C3orf49: variants seen among roughly 807,000 people sequenced by gnomAD.
C3orf49 encodes the protein chromosome 3 open reading frame 49, also known as putative uncharacterized protein C3orf49.
A neutral mutation model predicts 13.3 loss-of-function variants in C3orf49; 27 were observed. The observed-to-expected ratio is 2.02, with a 90% CI of 1.49 to 2.79. C3orf49 has a LOEUF of 2.79. Ranked by LOEUF, C3orf49 falls within the 30% of genes most tolerant of loss-of-function variation. C3orf49 has a pLI of 0.00. For synonymous variants in C3orf49, 87 were observed against 47.6 expected (o/e 1.83, Z -3.40); for missense variants, 242 against 134.2 (o/e 1.80, Z -3.97).
rs951073576 is a variant in C3orf49, at chr3:63,823,505, G to A, written c.381G>A (p.Arg127=). 2.8e-6 allele frequency: 2 copies of A among 702,774 alleles called. No homozygotes were observed. Among genetic ancestry groups the A allele is most frequent in the African/African-American group, 1.7e-5 (1 of 57,246 alleles). The allele number at this position is 702,774 out of a possible 1,614,324, so 43.5% of individuals were successfully genotyped here. ...CAAACACGCAGAGCCTTCTCCCTAG[G>A]ATTGTCAAGGAGTTTTCATCTCCCA... The part of the protein sequence containing the change: ...LLSNTQSLLP[R]IVKEFSSPKL... The change falls in exon 2 of 7, where the codon AGG becomes AGA. Residue 127 remains arginine, a synonymous_variant. Coordinates refer to ENST00000295896, the MANE Select transcript of C3orf49 (RefSeq NM_001355236.2).
At chr3:63,821,195 A>G (rs952921605) in intron 1 of C3orf49, among the ~76,000 whole-genome samples, 8 of 152,184 alleles carry the variant, frequency 5.3e-5, no homozygotes, top group African/African-American at 1.7e-4. Flanking sequence ...GAGTTAAACC[A>G]ATACCATTCA....
intron 3 of C3orf49, 144 bp from the exon 4 acceptor site, chr3:63,830,966 A>G (rs1248659398): frequency 6.7e-6 from 4 of 601,422 alleles, no homozygotes; most frequent in Non-Finnish European, 1.2e-5. Flanking sequence ...AATAATATGA[A>G]TACAGTCTGC....
chr3:63,841,956 C>T (rs1226115015), intron 5 of C3orf49, among the ~76,000 whole-genome samples: 1 of 152,096 alleles, frequency 6.6e-6, no homozygotes, highest in Non-Finnish European at 1.5e-5. Context: ...ATGCCTGGAT[C>T]TCCAACTGTA....
the C3orf49 span, among the ~76,000 whole-genome samples, chr3:63,796,597 T>G: frequency 1.8e-3 from 281 of 152,298 alleles, no homozygotes; most frequent in Non-Finnish European, 3.2e-3. Context: ...AATATACAAT[T>G]TTGACTAATC....
chr3:63,794,605 C>G, the C3orf49 span, among the ~76,000 whole-genome samples: 1 of 152,322 alleles, frequency 6.6e-6, no homozygotes, highest in Non-Finnish European at 1.5e-5. Context: ...TTCATTCTCA[C>G]TTCACCAAAT....
chr3:63,795,278 T>C, the C3orf49 span, among the ~76,000 whole-genome samples: 2 of 152,138 alleles, frequency 1.3e-5, no homozygotes, highest in Non-Finnish European at 2.9e-5. Context: ...GAGCAGGAAG[T>C]GGCCAATGGG....
At chr3:63,781,811 G>A in the C3orf49 span, among the ~76,000 whole-genome samples, 1 of 152,114 alleles carries the variant, frequency 6.6e-6, no homozygotes, top group South Asian at 2.1e-4. Flanking sequence ...CTTACCTACA[G>A]TTTAGACAAA....
At chr3:63,816,408 C>G (rs953388961), upstream of C3orf49, among the ~76,000 whole-genome samples, 3 of 151,864 alleles carry the variant, frequency 2.0e-5, no homozygotes, top group Non-Finnish European at 4.4e-5. Flanking sequence ...CTGAGCAACA[C>G]GGTGAAACCT....
At chr3:63,844,245 C>G (rs1363100267) in intron 5 of C3orf49, among the ~76,000 whole-genome samples, 3 of 152,128 alleles carry the variant, frequency 2.0e-5, no homozygotes, top group Admixed American at 6.5e-5. Flanking sequence ...AAGATACATA[C>G]TTACAGTTAG....
At chr3:63,841,187 A>G (rs141722624) in intron 5 of C3orf49, among the ~76,000 whole-genome samples, 3,602 of 152,314 alleles carry the variant, frequency 0.024, 78 homozygotes, top group African/African-American at 0.06. Context: ...ATATGTTGCC[A>G]TATGTGTGGA....
At chr3:63,793,066 C>T in the C3orf49 span, among the ~76,000 whole-genome samples, 263 of 152,288 alleles carry the variant, frequency 1.7e-3, 5 homozygotes, top group Non-Finnish European at 2.1e-4. Flanking sequence ...CTTTCACACG[C>T]TCTCCTTCTT....
intron 6 of C3orf49, among the ~76,000 whole-genome samples, chr3:63,847,226 T>C (rs1030652871): frequency 1.3e-5 from 2 of 152,210 alleles, no homozygotes; most frequent in African/African-American, 2.4e-5. Context: ...TGGTATGTAT[T>C]GGTATAAATG....
chr3:63,836,262 T>A, intron 5 of C3orf49: 1 of 1,587,850 alleles, frequency 6.3e-7, no homozygotes, highest in Non-Finnish European at 8.6e-7. Flanking sequence ...CATTTATGTA[T>A]AAAGGTTAGT....
the C3orf49 span, among the ~76,000 whole-genome samples, chr3:63,803,137 C>A: frequency 1.3e-5 from 2 of 152,166 alleles, no homozygotes; most frequent in African/African-American, 4.8e-5. Context: ...TTTACAATAG[C>A]AAATTAAGCT....
At chr3:63,829,244 A>C (rs1184668569) in intron 3 of C3orf49, among the ~76,000 whole-genome samples, 1 of 152,192 alleles carries the variant, frequency 6.6e-6, no homozygotes, top group Non-Finnish European at 1.5e-5. Flanking sequence ...TCTAATGGAC[A>C]TGGTCTTGCT....
intron 5 of C3orf49, 59 bp downstream of exon 5, chr3:63,831,903 A>C (rs1185869759): frequency 7.4e-6 from 5 of 674,294 alleles, no homozygotes; most frequent in Non-Finnish European, 1.1e-5. Flanking sequence ...TTTAAAAGTT[A>C]TCTTCCCTAG....
In C3orf49 at chr3:63,823,543, C is replaced by T; in HGVS notation, c.419C>T (p.Ala140Val). ...TTTTCATCTCCCAAGTTATTTACAGCAAAAATGAGAAAGCTCTCAGAGAAT... is the reference window on the plus strand; with the variant it reads ...TTTTCATCTCCCAAGTTATTTACAGTAAAAATGAGAAAGCTCTCAGAGAAT... ...KEFSSPKLFT[A>V]KMRKLSENAT... The change falls in exon 2 of 7, where the codon GCA becomes GTA. Residue 140 changes from alanine (A) to valine (V), a missense_variant. By Grantham distance (64) the Ala-to-Val change is moderately conservative (BLOSUM62 0). Transcript: ENST00000295896. The T allele has an allele frequency of 4.3e-6, 3 of 697,252 alleles. No individual in the cohort carries two copies. Among genetic ancestry groups the T allele is most frequent in the Non-Finnish European group, 7.8e-6 (3 of 383,182 alleles). 43.2% of individuals were successfully genotyped at this position (697,252 alleles called of 1,614,324 possible).
rs1018380400 is a variant in C3orf49, at chr3:63,836,411, T to G, written c.849+4567T>G. 2.6e-6 allele frequency: 4 copies of G among 1,558,664 alleles called. No homozygotes were observed. In the African/African-American group the frequency reaches 5.4e-5, roughly 21 times the overall value. On this transcript the variant is annotated intron_variant, in intron 5 of 6. Coordinates refer to ENST00000295896, the MANE Select transcript of C3orf49 (RefSeq NM_001355236.2). ...CTAAGGATTTTTTGAATGTGAATTA[T>G]CAAAACAAAATGTGTAATATCACAA...
At chr3:63,844,914 G>C (rs1424941031) in intron 5 of C3orf49, 109 bp from the exon 6 acceptor site, 1 of 545,768 alleles carries the variant, frequency 1.8e-6, no homozygotes, top group Non-Finnish European at 3.3e-6. Flanking sequence ...CAGTGTGGCT[G>C]TTGCTATAAT....
Sources: allele counts gnomAD v4.1 joint callset (sites outside exome capture counted in the v4.1 genomes callset), GRCh38; gene constraint gnomAD v4.1.1; transcripts MANE v1.5; gene names NCBI Gene and HGNC (gene_info 2026-07-23, HGNC 2026-07-21).